SNX33: variants seen among roughly 807,000 people sequenced by gnomAD.
SNX33 encodes sorting nexin 33.
Under a neutral mutation model 38.8 loss-of-function variants are expected in SNX33, and 19 were observed. That is an observed-to-expected ratio of 0.49 (90% CI 0.34 to 0.72). The LOEUF is 0.72. Among genes scored for constraint, SNX33 ranks in the 30% least tolerant of loss-of-function variants. The probability of loss-of-function intolerance (pLI) is 0.01; values close to 1 mark genes in which losing one functional copy is unlikely to be tolerated. For missense variants in SNX33, 641 were observed against 776.4 expected (o/e 0.83, Z 2.07); for synonymous variants, 246 against 289.7 (o/e 0.85, Z 1.53).
chr15:75,650,371 C>A lies in SNX33; in HGVS notation c.1269C>A (p.Ala423=). 2 of 1,611,478 alleles carry A rather than the reference C, an allele frequency of 1.2e-6. No homozygotes were observed. Among genetic ancestry groups the A allele is most frequent in the Non-Finnish European group, 1.7e-6 (2 of 1,178,680 alleles). The change falls in exon 1 of 2, where the codon GCC becomes GCA. Residue 423 remains alanine, a synonymous_variant. Coordinates refer to ENST00000308527, the MANE Select transcript of SNX33 (RefSeq NM_153271.2). This position sits in a 1 kb window ranked among gnomAD's most constrained non-coding sequence, Gnocchi z 6.1. ...EFQKLGSAFQ[A]ISHSFQMDPP... ...AGAAGCTGGGCAGTGCCTTCCAGGC[C>A]ATCAGTCATTCCTTCCAGATGGACC... is the stretch of plus-strand genomic sequence containing the variant.
At position 75,650,051 on chromosome 15, in the gene SNX33, A is replaced by G. The variant is rs1326790094; in HGVS notation, c.949A>G (p.Met317Val). 1 of 1,612,672 alleles carries G rather than the reference A, an allele frequency of 6.2e-7. No homozygotes were observed. The highest frequency in any genetic ancestry group is 2.2e-5 in the East Asian group (1 of 44,846). Residue 317 changes from methionine (M) to valine (V), a missense_variant, in exon 1 of 2, where the codon ATG becomes GTG. Around this residue, in one of 2 missense-constraint regions of SNX33, gnomAD observed 398 missense variants for 542.5 expected, o/e 0.73. Transcript: ENST00000308527. The surrounding 1 kb of genome is among the most constrained non-coding windows in gnomAD (Gnocchi z 6.1). ...GAGACTCATCCTCTGGATGGACCAC[A>G]TGACCAGCCACCCTGTGCTCTCCCA... The part of the protein sequence containing the change: ...KRRLILWMDH[M>V]TSHPVLSQYE...
rs1023303170 is a variant in SNX33 at position 75,651,000 on chromosome 15, G to A, written c.1471+427G>A. ...CATGGAGCTTGATATTTACCTTCTT[G>A]TCAGTTCATTCATTTTCTCTGTTTG... is the stretch of plus-strand genomic sequence containing the variant. On this transcript the variant is annotated intron_variant, in intron 1 of 1. Coordinates refer to ENST00000308527, the MANE Select transcript of SNX33 (RefSeq NM_153271.2). The surrounding 1 kb of genome is among the most constrained non-coding windows in gnomAD (Gnocchi z 6.1). Among the ~76,000 whole-genome samples the A allele has an allele frequency of 6.6e-6, 1 of 152,160 alleles. No homozygotes were observed. The highest frequency in any genetic ancestry group is 2.1e-4 in the South Asian group (1 of 4,820).
In SNX33 at chr15:75,648,374, C is replaced by T. The variant is rs899785592; in HGVS notation, c.-729C>T. 40 of 985,198 alleles carry T rather than the reference C, an allele frequency of 4.1e-5. No individual in the cohort carries two copies. Among genetic ancestry groups the T allele is most frequent in the Non-Finnish European group, 4.6e-5 (38 of 829,932 alleles). 61.0% of individuals were successfully genotyped at this position (985,198 alleles called of 1,614,324 possible). On this transcript the variant is annotated 5_prime_UTR_variant, in exon 1 of 2. Coordinates refer to ENST00000308527, the MANE Select transcript of SNX33 (RefSeq NM_153271.2). The surrounding 1 kb of genome is among the most constrained non-coding windows in gnomAD (Gnocchi z 4.4). Reference sequence around the variant, plus strand: ...AGGGCGCCCGAGCCGGCGGGGGCTCCGGCTGCGCAGCCGGGGTCGAAGAGT... The same window carrying T: ...AGGGCGCCCGAGCCGGCGGGGGCTCTGGCTGCGCAGCCGGGGTCGAAGAGT...
chr15:75,655,144 G>A (rs1218308081), intron 1 of SNX33, among the ~76,000 whole-genome samples: 1 of 152,236 alleles, frequency 6.6e-6, no homozygotes, highest in Non-Finnish European at 1.5e-5. Context: ...GAAGGACCTG[G>A]CATGGGCTCC....
chr15:75,654,031 T>A (rs1893619702), intron 1 of SNX33, among the ~76,000 whole-genome samples: 1 of 150,258 alleles, frequency 6.7e-6, no homozygotes, highest in Non-Finnish European at 1.5e-5. Flanking sequence ...AGGCGGAGGT[T>A]GCAGTGAGCC....
At chr15:75,654,235 G>A (rs1461163104) in intron 1 of SNX33, among the ~76,000 whole-genome samples, 1 of 152,166 alleles carries the variant, frequency 6.6e-6, no homozygotes, top group African/African-American at 2.4e-5. Context: ...ATACTATAGG[G>A]CAGGTACTAT....
At position 75,660,594 on chromosome 15, in the gene SNX33, A is replaced by G. The variant is rs1178062776; in HGVS notation, c.*3379A>G. Reference sequence around the variant, plus strand: ...CACACGCTATTACACATTCACAGCCACAGCCACACATGCCTTGCCATCCAT... The same window carrying G: ...CACACGCTATTACACATTCACAGCCGCAGCCACACATGCCTTGCCATCCAT... On this transcript the variant is annotated 3_prime_UTR_variant, in exon 2 of 2. Transcript: ENST00000308527. The G allele has an allele frequency of 6.5e-6, 1 of 152,950 alleles. No homozygotes were observed. The highest frequency in any genetic ancestry group is 2.4e-5 in the African/African-American group (1 of 41,482). 9.5% of individuals were successfully genotyped at this position (152,950 alleles called of 1,614,324 possible).
chr15:75,657,338 T>C lies in SNX33; in HGVS notation c.*123T>C. ...TCAGCGGTGGGGGAGATAAGCGGCC[T>C]GTCCTGCCTCCTGGGAGAAGGAGCT... On this transcript the variant is annotated 3_prime_UTR_variant, in exon 2 of 2. Transcript: ENST00000308527. The surrounding 1 kb of genome is among the most constrained non-coding windows in gnomAD (Gnocchi z 5.5). 1 of 1,487,324 alleles carries C rather than the reference T, an allele frequency of 6.7e-7. No homozygotes were observed. The highest frequency in any genetic ancestry group is 9.1e-7 in the Non-Finnish European group (1 of 1,101,984). 92.1% of individuals were successfully genotyped at this position (1,487,324 alleles called of 1,614,324 possible).
chr15:75,654,269 G>A (rs1020534462), intron 1 of SNX33, among the ~76,000 whole-genome samples: 1 of 152,108 alleles, frequency 6.6e-6, no homozygotes, highest in South Asian at 2.1e-4. Flanking sequence ...TACAGATGTG[G>A]AAACTCCTTA....
intron 1 of SNX33, among the ~76,000 whole-genome samples, chr15:75,651,026 C>T (rs905613170): frequency 4.6e-5 from 7 of 152,218 alleles, no homozygotes; most frequent in African/African-American, 1.4e-4. Flanking sequence ...TCTCTGTTTG[C>T]ATCTCGTTTA....
rs377018502 is a variant in SNX33 at position 75,650,334 on chromosome 15, G to A, written c.1232G>A (p.Arg411His). 27 of 1,599,876 alleles carry A rather than the reference G, an allele frequency of 1.7e-5. No homozygotes were observed. Among genetic ancestry groups the A allele is most frequent in the Admixed American group, 6.8e-5 (4 of 58,836 alleles). The change falls in exon 1 of 2, where the codon CGC (arginine) becomes CAC (histidine). Residue 411 changes from arginine to histidine, a missense_variant. Around this residue, in one of 2 missense-constraint regions of SNX33, gnomAD observed 398 missense variants for 542.5 expected, o/e 0.73. Transcript: ENST00000308527. This position sits in a 1 kb window ranked among gnomAD's most constrained non-coding sequence, Gnocchi z 6.1. ...GTGCGTAAACATGTGGGGGGCTTCCGCAAGGAATTCCAGAAGCTGGGCAGT... is the reference window on the plus strand; with the variant it reads ...GTGCGTAAACATGTGGGGGGCTTCCACAAGGAATTCCAGAAGCTGGGCAGT... ...ELVRKHVGGF[R>H]KEFQKLGSAF... is the part of the protein sequence containing the mutation.
intron 1 of SNX33, among the ~76,000 whole-genome samples, chr15:75,655,461 C>T (rs1455260561): frequency 2.6e-5 from 4 of 152,190 alleles, no homozygotes; most frequent in Non-Finnish European, 5.9e-5. Context: ...CTGGGGAATG[C>T]AGATTTCTTT....
Position 75,657,123 on chromosome 15 carries a change from A to G in SNX33, c.1633A>G (p.Met545Val), listed in dbSNP as rs368062911. ...HQRRELDFKH[M>V]MQNYLRQQIL... Reference sequence around the variant, plus strand: ...GCGCCGTGAGCTCGACTTCAAGCACATGATGCAGAACTACTTGCGCCAGCA... The same window carrying G: ...GCGCCGTGAGCTCGACTTCAAGCACGTGATGCAGAACTACTTGCGCCAGCA... Residue 545 changes from methionine (M) to valine (V), a missense_variant, in exon 2 of 2, where the codon ATG becomes GTG. This residue lies in a region of SNX33 where 398 missense variants were observed against 542.5 expected (regional missense o/e 0.73). Transcript: ENST00000308527. This position sits in a 1 kb window ranked among gnomAD's most constrained non-coding sequence, Gnocchi z 5.5. 5.6e-6 allele frequency: 9 copies of G among 1,614,082 alleles called. No individual in the cohort carries two copies. The African/African-American group carries it at 9.3e-5, about 17-fold the overall frequency.
At chr15:75,653,046 T>G (rs923209346) in intron 1 of SNX33, among the ~76,000 whole-genome samples, 19 of 152,164 alleles carry the variant, frequency 1.2e-4, no homozygotes, top group African/African-American at 4.6e-4. Flanking sequence ...AAACTTTGCA[T>G]CTGACATGAC....
At chr15:75,654,082 G>A (rs1377096235) in intron 1 of SNX33, among the ~76,000 whole-genome samples, 3 of 137,966 alleles carry the variant, frequency 2.2e-5, no homozygotes, top group African/African-American at 8.2e-5. Flanking sequence ...AGCAGAACAA[G>A]ACTCCATCTC....
chr15:75,655,703 T>C (rs1893644685), intron 1 of SNX33, among the ~76,000 whole-genome samples: 1 of 152,166 alleles, frequency 6.6e-6, no homozygotes, highest in Admixed American at 6.5e-5. Flanking sequence ...AAGAGAATAT[T>C]ATCTAGACAG....
intron 1 of SNX33, among the ~76,000 whole-genome samples, chr15:75,656,543 C>T (rs1022973691): frequency 3.3e-5 from 5 of 152,068 alleles, no homozygotes; most frequent in East Asian, 1.9e-4. Flanking sequence ...GGCAGGGAGA[C>T]GTGGCGGGGC....
Position 75,648,403 on chromosome 15 carries a change from C to T in SNX33, c.-700C>T. 1 of 985,392 alleles carries T rather than the reference C, an allele frequency of 1.0e-6. No individual in the cohort carries two copies. The highest frequency in any genetic ancestry group is 1.2e-6 in the Non-Finnish European group (1 of 829,942). The allele number at this position is 985,392 out of a possible 1,614,324, so 61.0% of individuals were successfully genotyped here. ...TGCGCAGCCGGGGTCGAAGAGTTGG[C>T]GGCCTGTTGTGTAAGCCTCAGTCCT... is the stretch of plus-strand genomic sequence containing the variant. On this transcript the variant is annotated 5_prime_UTR_variant, in exon 1 of 2. Coordinates refer to ENST00000308527, the MANE Select transcript of SNX33 (RefSeq NM_153271.2). This position sits in a 1 kb window ranked among gnomAD's most constrained non-coding sequence, Gnocchi z 4.4.
At position 75,650,451 on chromosome 15, in the gene SNX33, A is replaced by G. The variant is rs749753791; in HGVS notation, c.1349A>G (p.Tyr450Cys). The change falls in exon 1 of 2, where the codon TAT becomes TGT. Residue 450 changes from tyrosine to cysteine, a missense_variant. Tyr to Cys is a radical substitution (Grantham distance 194, BLOSUM62 -2). Around this residue, in one of 2 missense-constraint regions of SNX33, gnomAD observed 398 missense variants for 542.5 expected, o/e 0.73. Coordinates refer to ENST00000308527, the MANE Select transcript of SNX33 (RefSeq NM_153271.2). This position sits in a 1 kb window ranked among gnomAD's most constrained non-coding sequence, Gnocchi z 6.1. ...NSAISHTGRTYEAIGEMFAEQ... is the reference protein window; with the variant it reads ...NSAISHTGRTCEAIGEMFAEQ... ...GCCATTTCTCACACGGGCCGTACCTATGAAGCCATCGGGGAGATGTTTGCT... is the reference window on the plus strand; with the variant it reads ...GCCATTTCTCACACGGGCCGTACCTGTGAAGCCATCGGGGAGATGTTTGCT... 5 of 1,614,004 alleles carry G rather than the reference A, an allele frequency of 3.1e-6. No individual in the cohort carries two copies. Among genetic ancestry groups the G allele is most frequent in the Admixed American group, 1.7e-5 (1 of 59,998 alleles).
Sources: gnomAD v4.1 joint callset for allele counts (sites outside exome capture counted in the v4.1 genomes callset) on GRCh38, gnomAD v4.1.1 for gene constraint, gnomAD v4.1.1 regional missense constraint, Gnocchi (gnomAD v3.1) non-coding constraint, MANE v1.5 for transcripts, NCBI Gene and HGNC (gene_info 2026-07-23, HGNC 2026-07-21) for gene names.